The following AGBL4 variants were observed in gnomAD, a reference collection of about 807,000 sequenced individuals.
The protein encoded by AGBL4 is AGBL carboxypeptidase 4.
In AGBL4, 58 loss-of-function variants were observed where a neutral mutation model predicts 66.4. The observed-to-expected ratio is 0.87, with a 90% CI of 0.71 to 1.09. The LOEUF (loss-of-function observed/expected upper bound fraction) is 1.09. Ranked by LOEUF, AGBL4 falls within the 50% of genes least tolerant of loss-of-function variation. The probability of loss-of-function intolerance (pLI) is 0.00; values close to 1 mark genes in which losing one functional copy is unlikely to be tolerated. For missense variants in AGBL4, 579 were observed against 631.0 expected (o/e 0.92, Z 0.88); for synonymous variants, 234 against 222.9 (o/e 1.05, Z -0.44).
intron 3 of AGBL4, among the ~76,000 whole-genome samples, chr1:49,270,843 AT>A (rs1299621449): frequency 6.6e-6 from 1 of 152,200 alleles, no homozygotes; most frequent in East Asian, 1.9e-4. Context: ...AAAAGGAGAG[AT>A]TTCTTATTCC....
intron 3 of AGBL4, among the ~76,000 whole-genome samples, chr1:49,380,911 T>A (rs1345315367): frequency 6.6e-6 from 1 of 152,064 alleles, no homozygotes; most frequent in African/African-American, 2.4e-5. Flanking sequence ...AACCTAGGCA[T>A]TACCATTCAG....
intron 5 of AGBL4, among the ~76,000 whole-genome samples, chr1:48,939,284 A>G (rs556139492): frequency 6.6e-6 from 1 of 152,344 alleles, no homozygotes; most frequent in South Asian, 2.1e-4. Flanking sequence ...TAAAGACAAA[A>G]TCACATAACG....
intron 3 of AGBL4, among the ~76,000 whole-genome samples, chr1:49,372,901 G>A (rs890562126): frequency 3.3e-5 from 5 of 151,888 alleles, no homozygotes; most frequent in Non-Finnish European, 5.9e-5. Context: ...TGGGACTATA[G>A]GCTCTCACCA....
At chr1:49,373,753 C>T (rs1644414928) in intron 3 of AGBL4, among the ~76,000 whole-genome samples, 1 of 151,898 alleles carries the variant, frequency 6.6e-6, no homozygotes, top group Non-Finnish European at 1.5e-5. Flanking sequence ...ACTCCAAAGT[C>T]CAGGATAAGA....
chr1:49,674,082 T>C (rs1040362102), intron 3 of AGBL4, among the ~76,000 whole-genome samples: 5 of 152,032 alleles, frequency 3.3e-5, no homozygotes, highest in Non-Finnish European at 7.4e-5. Flanking sequence ...TTTCCATCAA[T>C]AGTCACAGAA....
At chr1:49,829,552 T>TA (rs1468357514) in intron 2 of AGBL4, among the ~76,000 whole-genome samples, 2 of 152,216 alleles carry the variant, frequency 1.3e-5, no homozygotes, top group Non-Finnish European at 2.9e-5. Context: ...AATAAAGATG[T>TA]AATGGTATAT....
intron 9 of AGBL4, among the ~76,000 whole-genome samples, chr1:48,621,791 T>C (rs1645417099): frequency 6.6e-6 from 1 of 152,138 alleles, no homozygotes; most frequent in African/African-American, 2.4e-5. Context: ...CCTGGGTTTT[T>C]CACTATTTTT....
intron 5 of AGBL4, among the ~76,000 whole-genome samples, chr1:48,888,073 A>G (rs1208314008): frequency 1.3e-5 from 2 of 152,178 alleles, no homozygotes; most frequent in East Asian, 3.9e-4. Context: ...TGAGGATGAC[A>G]CACAGTTCTA....
intron 5 of AGBL4, among the ~76,000 whole-genome samples, chr1:48,916,250 C>G (rs1653572102): frequency 6.6e-6 from 1 of 152,154 alleles, no homozygotes; most frequent in African/African-American, 2.4e-5. Context: ...AAGGAAAGTA[C>G]AGGGAAAATG....
chr1:49,267,315 T>A (rs759951712), intron 3 of AGBL4, among the ~76,000 whole-genome samples: 1 of 152,172 alleles, frequency 6.6e-6, no homozygotes, highest in Non-Finnish European at 1.5e-5. Context: ...ACATCTTTTG[T>A]AACTGCAAAG....
intron 2 of AGBL4, among the ~76,000 whole-genome samples, chr1:49,789,449 C>T (rs188610383): frequency 3.3e-5 from 5 of 152,118 alleles, no homozygotes; most frequent in Middle Eastern, 6.8e-3. Flanking sequence ...CATCTCAGCC[C>T]AAAAAGTCCT....
intron 3 of AGBL4, among the ~76,000 whole-genome samples, chr1:49,275,326 G>A (rs1357406510): frequency 1.3e-5 from 2 of 152,070 alleles, no homozygotes; most frequent in African/African-American, 2.4e-5. Context: ...AGATTTTGGG[G>A]CCTCAAAAAG....
chr1:49,673,313 G>A (rs1309980932), intron 3 of AGBL4, among the ~76,000 whole-genome samples: 2 of 152,134 alleles, frequency 1.3e-5, no homozygotes, highest in African/African-American at 4.8e-5. Flanking sequence ...ACATCCCTTC[G>A]ATTTACTGAT....
At position 49,915,446 on chromosome 1, in the gene AGBL4, C is replaced by A. The variant is rs191390613; in HGVS notation, c.35-63928G>T. Reference sequence around the variant, plus strand: ...CACACCAAGAGATTATATCCCGCGCCTGGCTTGGAGGGTCCCACGCCCACC... The same window carrying A: ...CACACCAAGAGATTATATCCCGCGCATGGCTTGGAGGGTCCCACGCCCACC... On this transcript the variant is annotated intron_variant, in intron 1 of 13. Transcript: ENST00000371839. 2.2e-3 allele frequency among the ~76,000 whole-genome samples: 336 copies of A among 152,310 alleles called. 2 individuals are homozygous for A. Among genetic ancestry groups the A allele is most frequent in the African/African-American group, 7.4e-3 (309 of 41,574 alleles).
chr1:49,131,350 T>C (rs1203506387), intron 4 of AGBL4, among the ~76,000 whole-genome samples: 1 of 152,092 alleles, frequency 6.6e-6, no homozygotes, highest in African/African-American at 2.4e-5. Context: ...CAAAATTCGT[T>C]GATCACTACC....
intron 3 of AGBL4, among the ~76,000 whole-genome samples, chr1:49,383,651 T>C (rs1427862479): frequency 6.6e-6 from 1 of 151,982 alleles, no homozygotes; most frequent in African/African-American, 2.4e-5. Context: ...TAACTCAAAA[T>C]GAATTAAAGA....
At chr1:49,129,775 C>G (rs868126949) in intron 4 of AGBL4, among the ~76,000 whole-genome samples, 1 of 152,066 alleles carries the variant, frequency 6.6e-6, no homozygotes, top group African/African-American at 2.4e-5. Context: ...AATAAACATA[C>G]GTGTGCATGT....
intron 3 of AGBL4, among the ~76,000 whole-genome samples, chr1:49,474,307 GCT>G (rs1396365906): frequency 6.6e-6 from 1 of 151,960 alleles, no homozygotes; most frequent in African/African-American, 2.4e-5. Context: ...ATTTCTTTCA[GCT>G]CTGTTTTCTA....
chr1:49,716,352 T>C (rs1648135795), intron 2 of AGBL4, among the ~76,000 whole-genome samples: 1 of 152,158 alleles, frequency 6.6e-6, no homozygotes, highest in Non-Finnish European at 1.5e-5. Context: ...TTGGTAACTG[T>C]AGCCTTGTAG....
Sources: gnomAD v4.1 joint callset for allele counts (sites outside exome capture counted in the v4.1 genomes callset) on GRCh38, gnomAD v4.1.1 for gene constraint, MANE v1.5 for transcripts, NCBI Gene and HGNC (gene_info 2026-07-23, HGNC 2026-07-21) for gene names.